Variants in ENOX1 observed in about 807,000 individuals in gnomAD.
The protein encoded by ENOX1 is candidate growth-related and time keeping constitutive hydroquinone (NADH) oxidase.
A neutral mutation model predicts 82.5 loss-of-function variants in ENOX1; 42 were observed. The ratio of observed to expected loss-of-function variants is 0.51; its 90% CI spans 0.40 to 0.66. ENOX1 has a LOEUF of 0.66. Ranked by LOEUF, ENOX1 falls within the 30% of genes least tolerant of loss-of-function variation. The pLI is 0.00. For missense variants in ENOX1, 608 were observed against 811.6 expected, an observed-to-expected ratio of 0.75 and a Z score of 3.05; for synonymous variants, 271 against 282.2, an observed-to-expected ratio of 0.96 and a Z score of 0.40.
intron 3 of ENOX1, among the ~76,000 whole-genome samples, chr13:43,416,447 C>T (rs1184277700): frequency 6.7e-6 from 1 of 148,846 alleles, no homozygotes; most frequent in Non-Finnish European, 1.5e-5. Context: ...AGAGGCGCTC[C>T]TCACATCCCA....
chr13:43,771,371 C>T (rs1396689412), intron 1 of ENOX1, among the ~76,000 whole-genome samples: 2 of 152,114 alleles, frequency 1.3e-5, no homozygotes, highest in African/African-American at 4.8e-5. Context: ...GGACCTAACC[C>T]ACCCATCAGT....
At chr13:43,275,218 G>A (rs779298940) in intron 12 of ENOX1, among the ~76,000 whole-genome samples, 2 of 152,106 alleles carry the variant, frequency 1.3e-5, no homozygotes, top group South Asian at 2.1e-4. Context: ...TTCTGTGAGC[G>A]GTGTGTCAAA....
rs1403814611 is a variant in ENOX1 at position 43,236,718 on chromosome 13, A to G, written c.1632T>C (p.Val544=). 6.3e-7 allele frequency: 1 copy of G among 1,581,124 alleles called. No homozygotes were observed. The highest frequency in any genetic ancestry group is 8.5e-7 in the Non-Finnish European group (1 of 1,171,280). The part of the protein sequence containing the change: ...EDSNEINVLT[V]ALVNQDRENN... Reference sequence around the variant, plus strand: ...TCTCTCGGTCTTGGTTGACTAATGCAACTGTCAACACATTGATTTCCTATA... The same window carrying G: ...TCTCTCGGTCTTGGTTGACTAATGCGACTGTCAACACATTGATTTCCTATA... The change falls in exon 15 of 17, where the codon GTT becomes GTC. Residue 544 remains valine, a synonymous_variant. Coordinates refer to ENST00000690772, the MANE Select transcript of ENOX1 (RefSeq NM_001347969.2).
At chr13:43,582,596 C>G (rs371423506) in intron 2 of ENOX1, among the ~76,000 whole-genome samples, 2 of 151,750 alleles carry the variant, frequency 1.3e-5, no homozygotes, top group African/African-American at 4.8e-5. Context: ...TTTTTGGAGA[C>G]AGGGTCTCAC....
At chr13:43,371,963 G>A (rs2051272188) in intron 5 of ENOX1, among the ~76,000 whole-genome samples, 1 of 152,160 alleles carries the variant, frequency 6.6e-6, no homozygotes, top group South Asian at 2.1e-4. Flanking sequence ...AGGAGAACGG[G>A]TAACATAACT....
rs1294705220 is a variant in ENOX1 at position 43,470,192 on chromosome 13, G to GTA, written c.-75+13815_-75+13816dup. On this transcript the variant is annotated intron_variant, in intron 3 of 16. Transcript: ENST00000690772. ...AAGTTTTCAAACTATATGTGTGTGTGTATATATATATGTGTATATATATAT... is the reference window on the plus strand; with the variant it reads ...AAGTTTTCAAACTATATGTGTGTGTGTATATATATATATGTGTATATATATAT... Among the ~76,000 whole-genome samples, 5 of 140,742 alleles carry GTA rather than the reference G, an allele frequency of 3.6e-5. 2 individuals are homozygous for GTA. Among genetic ancestry groups the GTA allele is most frequent in the Non-Finnish European group, 6.1e-5 (4 of 66,096 alleles). The allele number at this position is 140,742 out of a possible 152,430, so 92.3% of individuals were successfully genotyped here.
At position 43,306,623 on chromosome 13, in the gene ENOX1, CAGAA is replaced by C. The variant is rs566460640; in HGVS notation, c.1262-8097_1262-8094del. ...GACAGTAGTTGGTCTTGGCCAAAGACAGAAACTTTAAACAGCAATCCTTCCCTCC... is the reference window on the plus strand; with the variant it reads ...GACAGTAGTTGGTCTTGGCCAAAGACACTTTAAACAGCAATCCTTCCCTCC... On this transcript the variant is annotated intron_variant, in intron 11 of 16. Transcript: ENST00000690772. Among the ~76,000 whole-genome samples the C allele has an allele frequency of 2.6e-5, 4 of 152,304 alleles. No homozygotes were observed. In the South Asian group the frequency reaches 8.3e-4, roughly 32 times the overall value.
At chr13:43,706,129 G>A (rs1447521418) in intron 1 of ENOX1, among the ~76,000 whole-genome samples, 2 of 151,902 alleles carry the variant, frequency 1.3e-5, no homozygotes, top group East Asian at 3.9e-4. Flanking sequence ...AAATGTGTGA[G>A]ATTTACTAAG....
intron 1 of ENOX1, among the ~76,000 whole-genome samples, chr13:43,766,777 C>T (rs887119681): frequency 1.3e-5 from 2 of 152,064 alleles, no homozygotes; most frequent in Non-Finnish European, 2.9e-5. Context: ...AAAAATTAAA[C>T]TAATTTCATC....
At chr13:43,298,315 C>CAAAAAAA in intron 12 of ENOX1, 31 bp downstream of exon 12, 3 of 1,411,852 alleles carry the variant, frequency 2.1e-6, no homozygotes, top group South Asian at 1.4e-5. Flanking sequence ...CTCTTTCTCT[C>CAAAAAAA]AAAAAAAAAA....
intron 1 of ENOX1, 76 bp from the exon 2 acceptor site, chr13:43,667,620 A>C: frequency 2.4e-6 from 1 of 409,988 alleles, no homozygotes; most frequent in Non-Finnish European, 3.3e-6. Flanking sequence ...ATATATATGT[A>C]AGCAGATGCA....
At chr13:43,615,199 T>C (rs1042630536) in intron 2 of ENOX1, among the ~76,000 whole-genome samples, 8 of 152,232 alleles carry the variant, frequency 5.3e-5, no homozygotes, top group African/African-American at 1.9e-4. Context: ...TTAAGGAATC[T>C]TCAGCAGTAA....
In ENOX1 at chr13:43,721,094, G is replaced by A. The variant is rs1394554652; in HGVS notation, c.-284-53550C>T. On this transcript the variant is annotated intron_variant, in intron 1 of 16. Coordinates refer to ENST00000690772, the MANE Select transcript of ENOX1 (RefSeq NM_001347969.2). ...AAGGAGAGAGTGGTGGGTAGAATGT[G>A]CACATACCAAGAAGTGAAATAAAAA... Among the ~76,000 whole-genome samples, 5 of 152,146 alleles carry A rather than the reference G, an allele frequency of 3.3e-5. No individual in the cohort carries two copies. In the East Asian group the frequency reaches 9.7e-4, roughly 29 times the overall value.
At chr13:43,528,777 C>T (rs113813984) in intron 2 of ENOX1, among the ~76,000 whole-genome samples, 46 of 151,986 alleles carry the variant, frequency 3.0e-4, no homozygotes, top group African/African-American at 6.0e-4. Context: ...GAATCCAGGG[C>T]GGCCAAAAAG....
chr13:43,542,147 T>C (rs1040301572), intron 2 of ENOX1, among the ~76,000 whole-genome samples: 4 of 152,190 alleles, frequency 2.6e-5, no homozygotes, highest in African/African-American at 4.8e-5. Context: ...TTCTTTTTTT[T>C]CTTTTTTTCC....
intron 2 of ENOX1, among the ~76,000 whole-genome samples, chr13:43,609,668 GTTC>G (rs2082117729): frequency 6.6e-6 from 1 of 152,110 alleles, no homozygotes; most frequent in South Asian, 2.1e-4. Flanking sequence ...TTGGAAAAAT[GTTC>G]TTTTGTTATT....
chr13:43,672,616 C>T (rs1203352637), intron 1 of ENOX1, among the ~76,000 whole-genome samples: 1 of 152,172 alleles, frequency 6.6e-6, no homozygotes, highest in Non-Finnish European at 1.5e-5. Flanking sequence ...CATTTTAAAG[C>T]AATCCCTAGA....
At chr13:43,243,989 T>C (rs1201264371) in intron 14 of ENOX1, among the ~76,000 whole-genome samples, 3 of 151,946 alleles carry the variant, frequency 2.0e-5, no homozygotes, top group Non-Finnish European at 2.9e-5. Flanking sequence ...ACGCCACTTA[T>C]ATGGCAGTTC....
At chr13:43,551,293 T>A (rs551667174) in intron 2 of ENOX1, among the ~76,000 whole-genome samples, 1 of 152,332 alleles carries the variant, frequency 6.6e-6, no homozygotes, top group African/African-American at 2.4e-5. Flanking sequence ...GTGGCCTTTC[T>A]TTTTAATTCT....
Sources: allele counts gnomAD v4.1 joint callset (sites outside exome capture counted in the v4.1 genomes callset), GRCh38; gene constraint gnomAD v4.1.1; transcripts MANE v1.5; gene names NCBI Gene and HGNC (gene_info 2026-07-23, HGNC 2026-07-21).